Variants in OR6N1 observed in about 807,000 individuals in gnomAD.
The protein encoded by OR6N1 is olfactory receptor 6N1.
For synonymous variants in OR6N1, 170 were observed against 150.7 expected, an observed-to-expected ratio of 1.13 and a Z score of -0.94; for missense variants, 394 against 371.7, an observed-to-expected ratio of 1.06 and a Z score of -0.49.
chr1:158,824,343 C>T, the OR6N1 span, among the ~76,000 whole-genome samples: 3 of 152,250 alleles, frequency 2.0e-5, no homozygotes, highest in South Asian at 2.1e-4. Context: ...TCCCCAGCCA[C>T]GTGGAACTGT....
At chr1:158,807,781 G>A in the OR6N1 span, among the ~76,000 whole-genome samples, 3 of 152,020 alleles carry the variant, frequency 2.0e-5, no homozygotes, top group Admixed American at 6.5e-5. Context: ...CTTTCTTTCT[G>A]TATTGCACTG....
the OR6N1 span, among the ~76,000 whole-genome samples, chr1:158,782,810 A>ATT: frequency 9.2e-5 from 14 of 151,868 alleles, no homozygotes; most frequent in Admixed American, 7.9e-4. Context: ...ATTAAGTGGT[A>ATT]TTTTTTTTCC....
the OR6N1 span, among the ~76,000 whole-genome samples, chr1:158,778,704 T>C: frequency 6.6e-6 from 1 of 151,968 alleles, no homozygotes; most frequent in Non-Finnish European, 1.5e-5. Flanking sequence ...TTAGGGTGGT[T>C]AGCTTGTTTG....
chr1:158,818,654 C>T, the OR6N1 span, among the ~76,000 whole-genome samples: 1 of 152,128 alleles, frequency 6.6e-6, no homozygotes, highest in East Asian at 1.9e-4. Flanking sequence ...TGCTCAGAGG[C>T]CCAACAATAT....
the OR6N1 span, chr1:158,808,856 G>A: frequency 6.6e-6 from 1 of 152,380 alleles, no homozygotes; most frequent in African/African-American, 2.4e-5. Context: ...GGCAGTGAGG[G>A]TGGCTGGCAC....
At chr1:158,777,088 G>A, upstream of OR6N1, 1 of 1,614,158 alleles carries the variant, frequency 6.2e-7, no homozygotes, top group Non-Finnish European at 8.5e-7. Flanking sequence ...GCTCAGCAAA[G>A]GTGGAAAGTC....
Position 158,766,055 on chromosome 1 carries a change from T to G in OR6N1, c.628A>C (p.Thr210Pro), listed in dbSNP as rs761647776. Reference protein sequence around the residue: ...FVINSCKILATFLLILCSYVQ... With the variant: ...FVINSCKILAPFLLILCSYVQ... ...TAGGAGCAGAGGATCAGCAGGAAGG[T>G]GGCTAGGATCTTGCAGGAATTTATA... The change falls in exon 2 of 2, where the codon ACC (threonine) becomes CCC (proline). Residue 210 changes from threonine (T) to proline (P), a missense_variant. Thr to Pro is a conservative substitution (Grantham distance 38). Coordinates refer to ENST00000641846, the MANE Select transcript of OR6N1 (RefSeq NM_001005185.2). 2.5e-6 allele frequency: 4 copies of G among 1,614,012 alleles called. No homozygotes were observed. In the South Asian group the frequency reaches 3.3e-5, roughly 13 times the overall value.
At chr1:158,777,391 A>G in the OR6N1 span, 101 of 1,614,096 alleles carry the variant, frequency 6.3e-5, no homozygotes, top group Non-Finnish European at 8.6e-5. Context: ...AATATTAGAC[A>G]ACATCTTAGG....
the OR6N1 span, among the ~76,000 whole-genome samples, chr1:158,791,030 G>T: frequency 6.6e-6 from 1 of 152,102 alleles, no homozygotes; most frequent in African/African-American, 2.4e-5. Flanking sequence ...ATGATCACAG[G>T]TTTTTGTTTT....
the OR6N1 span, chr1:158,777,612 G>T: frequency 1.2e-6 from 2 of 1,613,328 alleles, no homozygotes; most frequent in Non-Finnish European, 1.7e-6. Context: ...ATTCAGCCAG[G>T]CTTGAATGGT....
chr1:158,785,812 T>C, the OR6N1 span, among the ~76,000 whole-genome samples: 1 of 152,156 alleles, frequency 6.6e-6, no homozygotes, highest in East Asian at 1.9e-4. Context: ...ATATGAAATT[T>C]ACCTATCTAT....
chr1:158,839,012 T>G, the OR6N1 span, among the ~76,000 whole-genome samples: 4 of 152,316 alleles, frequency 2.6e-5, no homozygotes, highest in African/African-American at 9.6e-5. Flanking sequence ...CTATTTTCCT[T>G]TAACTCATTT....
chr1:158,781,561 C>T, the OR6N1 span, among the ~76,000 whole-genome samples: 2 of 152,216 alleles, frequency 1.3e-5, no homozygotes, highest in African/African-American at 4.8e-5. Flanking sequence ...TCCCACCACT[C>T]TTCTCATAAA....
the OR6N1 span, among the ~76,000 whole-genome samples, chr1:158,782,672 G>T: frequency 2.4e-4 from 36 of 152,270 alleles, no homozygotes; most frequent in East Asian, 6.7e-3. Flanking sequence ...CCATGATTAG[G>T]TATCTTAATG....
chr1:158,792,384 T>A, the OR6N1 span, among the ~76,000 whole-genome samples: 1 of 152,174 alleles, frequency 6.6e-6, no homozygotes, highest in Non-Finnish European at 1.5e-5. Context: ...AGCAATTAGA[T>A]CATTTACATT....
At chr1:158,768,445 A>G (rs555511293) in intron 1 of OR6N1, among the ~76,000 whole-genome samples, 11 of 152,098 alleles carry the variant, frequency 7.2e-5, no homozygotes, top group African/African-American at 2.7e-4. Flanking sequence ...CCTTGTTTCT[A>G]TCTTTCTCTC....
At chr1:158,828,859 A>G in the OR6N1 span, among the ~76,000 whole-genome samples, 1 of 152,320 alleles carries the variant, frequency 6.6e-6, no homozygotes, top group Non-Finnish European at 1.5e-5. Context: ...ATCTTCTGAA[A>G]TCTAGGCAGA....
At chr1:158,796,570 G>A in the OR6N1 span, among the ~76,000 whole-genome samples, 1 of 152,006 alleles carries the variant, frequency 6.6e-6, no homozygotes, top group Non-Finnish European at 1.5e-5. Flanking sequence ...TATTTGATTT[G>A]TTTCTCACTA....
intron 1 of OR6N1, among the ~76,000 whole-genome samples, chr1:158,768,543 C>A (rs1253250663): frequency 6.6e-6 from 1 of 152,166 alleles, no homozygotes; most frequent in Non-Finnish European, 1.5e-5. Flanking sequence ...CCTAACAGAT[C>A]TCCCTACTTG....
Sources: allele counts gnomAD v4.1 joint callset (sites outside exome capture counted in the v4.1 genomes callset), GRCh38; gene constraint gnomAD v4.1.1; transcripts MANE v1.5; gene names NCBI Gene and HGNC (gene_info 2026-07-23, HGNC 2026-07-21).